The following SLC24A2 variants were observed in gnomAD, a reference collection of about 807,000 sequenced individuals.
SLC24A2 encodes sodium/potassium/calcium exchanger 2.
In SLC24A2, 36 loss-of-function variants were observed where a neutral mutation model predicts 62.0. The observed-to-expected ratio is 0.58, with a 90% confidence interval of 0.44 to 0.77. The LOEUF (loss-of-function observed/expected upper bound fraction) is 0.77. Ranked by LOEUF, SLC24A2 falls within the 30% of genes least tolerant of loss-of-function variation. The pLI is 0.00. For missense variants in SLC24A2, 846 were observed against 817.9 expected (o/e 1.03, Z -0.42); for synonymous variants, 358 against 294.0 (o/e 1.22, Z -2.23).
the SLC24A2 span, among the ~76,000 whole-genome samples, chr9:20,220,979 T>C: frequency 6.6e-6 from 1 of 152,160 alleles, no homozygotes; most frequent in Non-Finnish European, 1.5e-5. Flanking sequence ...TCTTTCTATG[T>C]GTGACACTGT....
intron 7 of SLC24A2, among the ~76,000 whole-genome samples, chr9:19,559,068 C>G (rs7861484): frequency 0.054 from 8,223 of 152,258 alleles, 720 homozygotes; most frequent in African/African-American, 0.19. Flanking sequence ...ATAAAATTAA[C>G]TAGGATAATC....
the SLC24A2 span, among the ~76,000 whole-genome samples, chr9:20,026,321 T>G: frequency 6.6e-6 from 1 of 152,234 alleles, no homozygotes. Flanking sequence ...GCCAGATTTG[T>G]CTGCATGCCA....
the SLC24A2 span, among the ~76,000 whole-genome samples, chr9:20,075,699 G>A: frequency 9.2e-5 from 2 of 21,756 alleles, no homozygotes. Flanking sequence ...TGAACAATCA[G>A]GGGGGGATAC....
chr9:19,786,449 T>C lies in SLC24A2; in HGVS notation c.418A>G (p.Ile140Val), dbSNP rs146417280. 51 of 1,613,998 alleles carry C rather than the reference T, an allele frequency of 3.2e-5. No individual in the cohort carries two copies. The highest frequency in any genetic ancestry group is 4.3e-5 in the Non-Finnish European group (51 of 1,180,018). The change falls in exon 2 of 11, where the codon ATT (isoleucine) becomes GTT (valine). Residue 140 changes from isoleucine (I) to valine (V), a missense_variant. Coordinates refer to ENST00000341998, the MANE Select transcript of SLC24A2 (RefSeq NM_020344.4). The surrounding 1 kb of genome is among the most constrained non-coding windows in gnomAD (Gnocchi z 5.0). ...GCTATGAACATGTAGATCATTCCAA[T>C]GACATGCAGAATGATCGCACCTTTT... is the stretch of plus-strand genomic sequence containing the variant. ...RRKGAIILHV[I>V]GMIYMFIALA...
At position 19,748,100 on chromosome 9, in the gene SLC24A2, T is replaced by C. The variant is rs980315535; in HGVS notation, c.930+37837A>G. On this transcript the variant is annotated intron_variant, in intron 2 of 10. Transcript: ENST00000341998. The stretch of plus-strand genomic sequence containing the variant: ...AATTCGTAAGTTCACTAAAGAGATA[T>C]GCAATAGTGAATATCATGTGTGTTC... Among the ~76,000 whole-genome samples, 4 of 152,166 alleles carry C rather than the reference T, an allele frequency of 2.6e-5. No individual in the cohort carries two copies. The East Asian group carries it at 7.7e-4, about 29-fold the overall frequency.
At chr9:20,074,750 G>A in the SLC24A2 span, among the ~76,000 whole-genome samples, 1 of 151,898 alleles carries the variant, frequency 6.6e-6, no homozygotes, top group Non-Finnish European at 1.5e-5. Context: ...TTAATATGCT[G>A]CCCCTATAGT....
chr9:20,199,692 C>G, the SLC24A2 span, among the ~76,000 whole-genome samples: 1 of 151,508 alleles, frequency 6.6e-6, no homozygotes, highest in Non-Finnish European at 1.5e-5. Context: ...TTCTGATATT[C>G]TGATATCTGG....
the SLC24A2 span, among the ~76,000 whole-genome samples, chr9:20,041,075 T>C: frequency 1.3e-5 from 2 of 152,200 alleles, no homozygotes; most frequent in African/African-American, 4.8e-5. Context: ...AAGCAATGTC[T>C]AAAAATAAAG....
chr9:20,144,694 G>T, the SLC24A2 span, among the ~76,000 whole-genome samples: 2 of 152,112 alleles, frequency 1.3e-5, no homozygotes, highest in Non-Finnish European at 2.9e-5. Flanking sequence ...GTAACAGAGG[G>T]CAAGGGTTGT....
chr9:20,235,815 G>A, the SLC24A2 span, among the ~76,000 whole-genome samples: 1 of 152,196 alleles, frequency 6.6e-6, no homozygotes, highest in African/African-American at 2.4e-5. Context: ...CCCATCTTCT[G>A]TGTCGCTCAC....
At chr9:20,272,146 T>C in the SLC24A2 span, among the ~76,000 whole-genome samples, 1 of 152,224 alleles carries the variant, frequency 6.6e-6, no homozygotes. Context: ...ACTTGCATAA[T>C]TCGTAGAGCC....
intron 7 of SLC24A2, among the ~76,000 whole-genome samples, chr9:19,557,847 G>C (rs902091259): frequency 4.3e-5 from 6 of 140,270 alleles, no homozygotes; most frequent in African/African-American, 1.6e-4. Flanking sequence ...GTCTCACTCT[G>C]TCACCTAGAC....
At chr9:19,542,948 T>G (rs1182369431) in intron 8 of SLC24A2, among the ~76,000 whole-genome samples, 3 of 152,204 alleles carry the variant, frequency 2.0e-5, no homozygotes, top group Non-Finnish European at 4.4e-5. Flanking sequence ...ATGCTGGCCT[T>G]GTAAAATGAG....
At chr9:19,559,002 T>A (rs138438437) in intron 7 of SLC24A2, among the ~76,000 whole-genome samples, 1 of 152,276 alleles carries the variant, frequency 6.6e-6, no homozygotes, top group African/African-American at 2.4e-5. Context: ...TTCTACTAAA[T>A]AGGAAGTCAA....
the SLC24A2 span, among the ~76,000 whole-genome samples, chr9:20,043,094 T>A: frequency 6.6e-6 from 1 of 152,182 alleles, no homozygotes; most frequent in Non-Finnish European, 1.5e-5. Context: ...CCTTTCACTT[T>A]AATTCAAAAG....
intron 8 of SLC24A2, among the ~76,000 whole-genome samples, chr9:19,540,304 T>C (rs1318416678): frequency 6.9e-6 from 1 of 144,624 alleles, no homozygotes; most frequent in South Asian, 2.2e-4. Flanking sequence ...CTAGTCTTGA[T>C]GGTCTTTACA....
chr9:20,232,313 C>T, the SLC24A2 span, among the ~76,000 whole-genome samples: 3 of 152,274 alleles, frequency 2.0e-5, no homozygotes, highest in Admixed American at 6.5e-5. Flanking sequence ...AGGAATGATA[C>T]CAGCTCCTCT....
intron 8 of SLC24A2, among the ~76,000 whole-genome samples, chr9:19,528,899 C>G (rs1391632813): frequency 6.6e-6 from 1 of 152,142 alleles, no homozygotes; most frequent in African/African-American, 2.4e-5. Flanking sequence ...TAGAAGTAGA[C>G]TTTATGCTAT....
chr9:19,701,083 A>G (rs1240194755), intron 2 of SLC24A2, among the ~76,000 whole-genome samples: 1 of 152,222 alleles, frequency 6.6e-6, no homozygotes, highest in Non-Finnish European at 1.5e-5. Context: ...TCTACCTTGT[A>G]TAAGAATCTT....
Sources: gnomAD v4.1 joint callset for allele counts (sites outside exome capture counted in the v4.1 genomes callset) on GRCh38, gnomAD v4.1.1 for gene constraint, Gnocchi (gnomAD v3.1) non-coding constraint, MANE v1.5 for transcripts, NCBI Gene and HGNC (gene_info 2026-07-23, HGNC 2026-07-21) for gene names.